Variants in CNTNAP5 observed in about 807,000 individuals in gnomAD.
CNTNAP5 encodes contactin-associated protein-like 5.
Under a neutral mutation model 150.2 loss-of-function variants are expected in CNTNAP5, and 72 were observed. The observed-to-expected ratio is 0.48, with a 90% CI of 0.40 to 0.58. CNTNAP5 has a LOEUF of 0.58. Among genes scored for constraint, CNTNAP5 ranks in the 20% least tolerant of loss-of-function variants. CNTNAP5 has a pLI of 0.00. For missense variants in CNTNAP5, 1,636 were observed against 1,626.2 expected (o/e 1.01, Z -0.10); for synonymous variants, 672 against 619.8 (o/e 1.08, Z -1.25).
chr2:124,056,845 C>T (rs1462797752), intron 1 of CNTNAP5, among the ~76,000 whole-genome samples: 10 of 152,170 alleles, frequency 6.6e-5, no homozygotes, highest in African/African-American at 2.4e-4. Context: ...TTCACTTTTG[C>T]TTTTGCCTTC....
intron 10 of CNTNAP5, among the ~76,000 whole-genome samples, chr2:124,536,702 G>C (rs529691366): frequency 6.6e-6 from 1 of 152,062 alleles, no homozygotes; most frequent in African/African-American, 2.4e-5. Flanking sequence ...TAGCCAGAGC[G>C]GGCCAGGGAG....
At chr2:124,748,816 T>C (rs1680661514) in intron 14 of CNTNAP5, among the ~76,000 whole-genome samples, 1 of 152,154 alleles carries the variant, frequency 6.6e-6, no homozygotes, top group Non-Finnish European at 1.5e-5. Flanking sequence ...TCTCCTAAAC[T>C]CAAGCTGGCC....
intron 1 of CNTNAP5, among the ~76,000 whole-genome samples, chr2:124,035,885 G>A (rs1315529020): frequency 1.4e-5 from 2 of 143,828 alleles, no homozygotes; most frequent in Non-Finnish European, 3.0e-5. Flanking sequence ...AGAACAACAG[G>A]TTGCTGCATT....
chr2:124,819,486 T>G lies in CNTNAP5; in HGVS notation c.3217+21166T>G, dbSNP rs199999890. Among the ~76,000 whole-genome samples, 3 of 152,122 alleles carry G rather than the reference T, an allele frequency of 2.0e-5. No individual in the cohort carries two copies. The East Asian group carries it at 5.8e-4, about 29-fold the overall frequency. On this transcript the variant is annotated intron_variant, in intron 19 of 23. Coordinates refer to ENST00000682447, the MANE Select transcript of CNTNAP5 (RefSeq NM_001367498.1). ...CTGTCATCATAATTTCATCAAAATT[T>G]TCTTATAAAAAATGAGTAAACAACT...
At chr2:124,273,447 G>T (rs1166962887) in intron 3 of CNTNAP5, among the ~76,000 whole-genome samples, 5 of 152,096 alleles carry the variant, frequency 3.3e-5, no homozygotes, top group African/African-American at 4.8e-5. Flanking sequence ...TCAGCTTCTG[G>T]AGCTGACTTA....
intron 6 of CNTNAP5, among the ~76,000 whole-genome samples, chr2:124,468,864 CT>C (rs895700329): frequency 6.6e-6 from 1 of 152,184 alleles, no homozygotes; most frequent in African/African-American, 2.4e-5. Flanking sequence ...TGTGGAACCC[CT>C]CTAGCCTTTC....
intron 10 of CNTNAP5, among the ~76,000 whole-genome samples, chr2:124,559,147 A>G (rs1261860632): frequency 6.6e-6 from 1 of 152,158 alleles, no homozygotes; most frequent in Non-Finnish European, 1.5e-5. Context: ...ACTCTAGATA[A>G]ACCTTTTCAC....
At chr2:124,346,994 T>C (rs1372734104) in intron 3 of CNTNAP5, among the ~76,000 whole-genome samples, 1 of 151,164 alleles carries the variant, frequency 6.6e-6, no homozygotes, top group East Asian at 1.9e-4. Flanking sequence ...GATGCTCTGG[T>C]AGGAGAACCC....
chr2:124,252,756 A>G (rs2104781922), intron 3 of CNTNAP5, among the ~76,000 whole-genome samples: 1 of 152,306 alleles, frequency 6.6e-6, no homozygotes, highest in African/African-American at 2.4e-5. Context: ...TTCTTTTTAT[A>G]ACATTGCTAA....
intron 10 of CNTNAP5, among the ~76,000 whole-genome samples, chr2:124,539,273 A>G (rs928134056): frequency 1.3e-5 from 2 of 152,216 alleles, no homozygotes; most frequent in Admixed American, 1.3e-4. Flanking sequence ...AATTCCAATT[A>G]GGCCTTGTGG....
intron 1 of CNTNAP5, among the ~76,000 whole-genome samples, chr2:124,207,320 GA>G (rs1685888205): frequency 6.6e-6 from 1 of 152,190 alleles, no homozygotes; most frequent in Non-Finnish European, 1.5e-5. Context: ...TTCTTGCCTG[GA>G]GGAAATGCTT....
intron 3 of CNTNAP5, among the ~76,000 whole-genome samples, chr2:124,273,587 G>A (rs1420144252): frequency 6.6e-6 from 1 of 152,064 alleles, no homozygotes; most frequent in Non-Finnish European, 1.5e-5. Context: ...TTTCAGGATG[G>A]ATGCCATGTT....
intron 2 of CNTNAP5, among the ~76,000 whole-genome samples, chr2:124,226,907 C>T (rs370577675): frequency 6.6e-5 from 10 of 151,932 alleles, no homozygotes; most frequent in South Asian, 2.1e-4. Context: ...GCCACCAGTC[C>T]CATTCCCATG....
At chr2:124,048,167 A>T (rs1358598886) in intron 1 of CNTNAP5, among the ~76,000 whole-genome samples, 1 of 152,180 alleles carries the variant, frequency 6.6e-6, no homozygotes, top group East Asian at 1.9e-4. Flanking sequence ...GAAGCTAGAG[A>T]CACTTGCTAC....
At chr2:124,909,830 T>TATATATATGTC (rs1553454766) in intron 22 of CNTNAP5, among the ~76,000 whole-genome samples, 5 of 122,352 alleles carry the variant, frequency 4.1e-5, no homozygotes, top group African/African-American at 1.4e-4. Flanking sequence ...TGGTGACATA[T>TATATATATGTC]ATATATATAT....
chr2:124,223,666 G>T (rs1686382669), intron 2 of CNTNAP5, among the ~76,000 whole-genome samples: 1 of 151,812 alleles, frequency 6.6e-6, no homozygotes. Context: ...GAAGCTGTGG[G>T]TCTGATCACA....
chr2:124,055,523 C>G, intron 1 of CNTNAP5, among the ~76,000 whole-genome samples: 1 of 152,102 alleles, frequency 6.6e-6, no homozygotes, highest in East Asian at 1.9e-4. Context: ...ATGAATACTC[C>G]CCAGAATGTT....
intron 5 of CNTNAP5, 41 bp downstream of exon 5, chr2:124,434,728 G>C (rs939356513): frequency 6.6e-7 from 1 of 1,521,626 alleles, no homozygotes; most frequent in African/African-American, 1.4e-5. Context: ...GGGATGGAGA[G>C]CTCCTTTACT....
chr2:124,364,381 A>G (rs2104719315), intron 3 of CNTNAP5, among the ~76,000 whole-genome samples: 1 of 152,132 alleles, frequency 6.6e-6, no homozygotes, highest in South Asian at 2.1e-4. Flanking sequence ...AACCTGCCTC[A>G]CTTCTGTCAC....
Sources: gnomAD v4.1 joint callset for allele counts (sites outside exome capture counted in the v4.1 genomes callset) on GRCh38, gnomAD v4.1.1 for gene constraint, MANE v1.5 for transcripts, NCBI Gene and HGNC (gene_info 2026-07-23, HGNC 2026-07-21) for gene names.